Variants in CCDC137 observed in about 807,000 individuals in gnomAD.
The protein encoded by CCDC137 is coiled-coil domain-containing protein 137.
A neutral mutation model predicts 30.4 loss-of-function variants in CCDC137; 24 were observed. That is an observed-to-expected ratio of 0.79 (90% CI 0.57 to 1.11). The LOEUF (loss-of-function observed/expected upper bound fraction) is 1.11. Among genes scored for constraint, CCDC137 ranks in the 50% least tolerant of loss-of-function variants. The pLI, the probability that CCDC137 is intolerant of heterozygous loss-of-function variation, is 0.00. For missense variants in CCDC137, 417 were observed against 380.4 expected, an observed-to-expected ratio of 1.10 and a Z score of -0.80; for synonymous variants, 182 against 155.7, an observed-to-expected ratio of 1.17 and a Z score of -1.26.
At chr17:81,669,517 G>T (rs933230277) in intron 2 of CCDC137, among the ~76,000 whole-genome samples, 1 of 152,060 alleles carries the variant, frequency 6.6e-6, no homozygotes, top group Non-Finnish European at 1.5e-5. Context: ...TTCTACACTC[G>T]CCCGGGGTCC....
intron 2 of CCDC137, chr17:81,669,868 C>A (rs1000701660): frequency 4.4e-5 from 10 of 227,446 alleles, no homozygotes; most frequent in African/African-American, 2.3e-4. Context: ...GCAGGTCTGC[C>A]CACGTTTCTC....
intron 3 of CCDC137, 154 bp from the exon 4 acceptor site, chr17:81,671,590 G>C (rs910765543): frequency 7.3e-5 from 48 of 656,676 alleles, no homozygotes; most frequent in Non-Finnish European, 2.4e-5. Flanking sequence ...TGTGGGTTTT[G>C]GGGTGGTAAG....
intron 2 of CCDC137, among the ~76,000 whole-genome samples, chr17:81,669,459 A>C (rs1245946182): frequency 6.6e-6 from 1 of 151,754 alleles, no homozygotes; most frequent in Admixed American, 6.6e-5. Flanking sequence ...GCATGTCTTC[A>C]CATATTTATG....
Position 81,672,749 on chromosome 17 carries a change from C to T in CCDC137, c.*45C>T, listed in dbSNP as rs1259647143. ...TGGCCACGCTCTGGGGCAACTGGCA[C>T]CAGGAGCTGCTACACCTGGGTAGGA... On this transcript the variant is annotated 3_prime_UTR_variant, in exon 6 of 6. Transcript: ENST00000329214. The T allele has an allele frequency of 2.7e-6, 4 of 1,488,344 alleles. No individual in the cohort carries two copies. The African/African-American group carries it at 5.6e-5, about 21-fold the overall frequency. The allele number at this position is 1,488,344 out of a possible 1,614,324, so 92.2% of individuals were successfully genotyped here. A position where few individuals can be genotyped will look rare whatever the true frequency, so the allele number is the denominator to read the frequency against.
intron 2 of CCDC137, among the ~76,000 whole-genome samples, chr17:81,668,373 T>G (rs1267058012): frequency 2.0e-5 from 3 of 152,058 alleles, no homozygotes; most frequent in Non-Finnish European, 4.4e-5. Flanking sequence ...TGAGAAGTCT[T>G]GCCTTCCTCC....
intron 1 of CCDC137, among the ~76,000 whole-genome samples, chr17:81,667,517 C>CG (rs1397455632): frequency 2.0e-5 from 3 of 151,558 alleles, no homozygotes; most frequent in African/African-American, 4.8e-5. Context: ...TTAGTAGAGA[C>CG]GGGGTTTCAC....
rs1237402892 is a variant in CCDC137 at position 81,672,758 on chromosome 17, G to C, written c.*54G>C. On this transcript the variant is annotated 3_prime_UTR_variant, in exon 6 of 6. Coordinates refer to ENST00000329214, the MANE Select transcript of CCDC137 (RefSeq NM_199287.3). ...TCTGGGGCAACTGGCACCAGGAGCT[G>C]CTACACCTGGGTAGGAGAGAGGCAG... is the stretch of plus-strand genomic sequence containing the variant. 6.8e-7 allele frequency: 1 copy of C among 1,470,162 alleles called. No homozygotes were observed. The highest frequency in any genetic ancestry group is 9.1e-7 in the Non-Finnish European group (1 of 1,094,752). The allele number at this position is 1,470,162 out of a possible 1,614,324, so 91.1% of individuals were successfully genotyped here.
chr17:81,672,422 T>C, intron 5 of CCDC137, 73 bp from the exon 6 acceptor site: 1 of 1,406,528 alleles, frequency 7.1e-7, no homozygotes. Flanking sequence ...GGGAGAGCTG[T>C]TGAAGCTGTG....
intron 3 of CCDC137, among the ~76,000 whole-genome samples, chr17:81,671,382 A>G (rs933540563): frequency 6.6e-6 from 1 of 152,192 alleles, no homozygotes; most frequent in African/African-American, 2.4e-5. Flanking sequence ...ACACAGCAGC[A>G]CCGGATGGGC....
Position 81,671,889 on chromosome 17 carries a change from T to C in CCDC137, c.580+63T>C, listed in dbSNP as rs945583724. 3.2e-6 allele frequency: 5 copies of C among 1,579,940 alleles called. No individual in the cohort carries two copies. In the South Asian group the frequency reaches 4.4e-5, roughly 14 times the overall value. On this transcript the variant is annotated intron_variant, in intron 4 of 5. Transcript: ENST00000329214. ...GGGTGGGGCCTGGGCGCAGGCCTTC[T>C]GTTCCCCACCAGCCCTGGCTGCACT...
intron 3 of CCDC137, among the ~76,000 whole-genome samples, chr17:81,671,019 A>C (rs61065803): frequency 0.15 from 23,426 of 151,668 alleles, 1,940 homozygotes; most frequent in African/African-American, 0.18. Flanking sequence ...GTAATTCCAG[A>C]TACTTGGGAG....
intron 1 of CCDC137, 60 bp downstream of exon 1, chr17:81,666,960 C>T (rs943350853): frequency 4.8e-6 from 6 of 1,239,806 alleles, no homozygotes; most frequent in East Asian, 3.2e-5. Flanking sequence ...GCCTTGAAGG[C>T]TCCGCCCGGG....
Position 81,667,628 on chromosome 17 carries a change from G to A in CCDC137, c.135-101G>A. On this transcript the variant is annotated intron_variant, in intron 1 of 5. Transcript: ENST00000329214. Reference sequence around the variant, plus strand: ...AGGCGTGAGCCACCAAGCCCGGCCAGCCCGTGTAGATTCTATTGCCAGACC... The same window carrying A: ...AGGCGTGAGCCACCAAGCCCGGCCAACCCGTGTAGATTCTATTGCCAGACC... 3 of 1,427,838 alleles carry A rather than the reference G, an allele frequency of 2.1e-6. 1 individual carries two copies. The highest frequency in any genetic ancestry group is 2.6e-5 in the South Asian group (2 of 77,580). 88.4% of individuals were successfully genotyped at this position (1,427,838 alleles called of 1,614,324 possible). A position where few individuals can be genotyped will look rare whatever the true frequency, so the allele number is the denominator to read the frequency against.
rs2036704464 is a variant in CCDC137 at position 81,670,390 on chromosome 17, TCCGG to T, written c.436_439del (p.Arg146SerfsTer26). ...CTGTTCCTCAGCAAGAACCAGGCCA[TCCGG>T]CAGCCAGAGGTGCAGGCAGCTCCCA... On this transcript the variant is annotated frameshift_variant, in exon 3 of 6. Transcript: ENST00000329214. LOFTEE classifies it high-confidence loss of function. The T allele has an allele frequency of 1.1e-5, 17 of 1,613,668 alleles. No individual in the cohort carries two copies. The highest frequency in any genetic ancestry group is 1.4e-5 in the Non-Finnish European group (17 of 1,180,024).
At position 81,672,514 on chromosome 17, in the gene CCDC137, T is replaced by G; in HGVS notation, c.680T>G (p.Met227Arg). The change falls in exon 6 of 6, where the codon ATG (methionine) becomes AGG (arginine). Residue 227 changes from methionine (M) to arginine (R), a missense_variant. Transcript: ENST00000329214. ...CCTCAGCCTGGCAGGAGATCGCAGATGCTGCGGATGCTTCTGAGCCCCGGT... is the reference window on the plus strand; with the variant it reads ...CCTCAGCCTGGCAGGAGATCGCAGAGGCTGCGGATGCTTCTGAGCCCCGGT... ...SKDQPGRRSQ[M>R]LRMLLSPGGV... 3 of 1,561,322 alleles carry G rather than the reference T, an allele frequency of 1.9e-6. No individual in the cohort carries two copies. The highest frequency in any genetic ancestry group is 2.6e-6 in the Non-Finnish European group (3 of 1,152,604).
intron 2 of CCDC137, among the ~76,000 whole-genome samples, chr17:81,668,634 A>G (rs1335314462): frequency 1.3e-5 from 2 of 152,216 alleles, no homozygotes; most frequent in South Asian, 2.1e-4. Context: ...GAGGAGGCGC[A>G]CTGGCCTGGG....
intron 2 of CCDC137, among the ~76,000 whole-genome samples, chr17:81,668,574 G>T (rs2036680629): frequency 6.6e-6 from 1 of 152,224 alleles, no homozygotes; most frequent in Non-Finnish European, 1.5e-5. Flanking sequence ...CTTGTTGGGG[G>T]TTATATGGCT....
chr17:81,672,020 T>G (rs1598734538), intron 4 of CCDC137, 56 bp from the exon 5 acceptor site: 1 of 1,591,174 alleles, frequency 6.3e-7, no homozygotes, highest in Non-Finnish European at 8.6e-7. Context: ...TGGCTCTGGG[T>G]GTCAGGGGTG....
intron 1 of CCDC137, 83 bp downstream of exon 1, chr17:81,666,983 G>C (rs1340043998): frequency 8.2e-7 from 1 of 1,225,606 alleles, no homozygotes; most frequent in Non-Finnish European, 1.0e-6. Context: ...CCCCTAGGGA[G>C]CGTTCGCTCG....
Sources: allele counts gnomAD v4.1 joint callset (sites outside exome capture counted in the v4.1 genomes callset), GRCh38; gene constraint gnomAD v4.1.1; transcripts MANE v1.5; gene names NCBI Gene and HGNC (gene_info 2026-07-23, HGNC 2026-07-21).